The following LNX1 variants were observed in gnomAD, a reference collection of about 807,000 sequenced individuals.
The protein encoded by LNX1 is E3 ubiquitin-protein ligase LNX.
A neutral mutation model predicts 68.4 loss-of-function variants in LNX1; 54 were observed. That is an observed-to-expected ratio of 0.79 (90% confidence interval 0.63 to 0.99). The LOEUF (loss-of-function observed/expected upper bound fraction) is 0.99. LNX1 is among the 50% of genes least tolerant of loss of function. The pLI is 0.00. For missense variants in LNX1, 906 were observed against 926.4 expected, an observed-to-expected ratio of 0.98 and a Z score of 0.29; for synonymous variants, 336 against 350.0, an observed-to-expected ratio of 0.96 and a Z score of 0.45.
chr4:53,631,481 T>C (rs1254057011), intron 1 of LNX1, among the ~76,000 whole-genome samples: 1 of 152,190 alleles, frequency 6.6e-6, no homozygotes, highest in Non-Finnish European at 1.5e-5. Context: ...CATAGAGGCC[T>C]CTTTTCCTCT....
chr4:53,557,195 A>G (rs1053315084), intron 2 of LNX1, among the ~76,000 whole-genome samples: 3 of 152,130 alleles, frequency 2.0e-5, no homozygotes, highest in Non-Finnish European at 2.9e-5. Context: ...AATTGTCTTT[A>G]TTTTTCAGAG....
At chr4:53,544,585 G>T (rs150604437) in intron 2 of LNX1, among the ~76,000 whole-genome samples, 18 of 152,338 alleles carry the variant, frequency 1.2e-4, no homozygotes, top group African/African-American at 4.3e-4. Flanking sequence ...GAGGCCAAAA[G>T]GTGGGTACTT....
chr4:53,550,608 A>G (rs1445653142), intron 2 of LNX1, among the ~76,000 whole-genome samples: 1 of 152,246 alleles, frequency 6.6e-6, no homozygotes, highest in African/African-American at 2.4e-5. Flanking sequence ...TGGGGAGGAA[A>G]TGGATGCTAA....
chr4:53,547,435 T>C (rs1729188565), intron 2 of LNX1, among the ~76,000 whole-genome samples: 1 of 152,132 alleles, frequency 6.6e-6, no homozygotes, highest in Non-Finnish European at 1.5e-5. Context: ...CTGCCCAAGT[T>C]TGCCCAGCTA....
upstream of LNX1, among the ~76,000 whole-genome samples, chr4:53,621,174 A>C (rs1733855028): frequency 6.6e-6 from 1 of 152,158 alleles, no homozygotes; most frequent in African/African-American, 2.4e-5. Flanking sequence ...CATTTCACCA[A>C]GATCCCCAGG....
chr4:53,508,351 C>T (rs1726078456), intron 2 of LNX1, 124 bp from the exon 3 acceptor site: 3 of 1,188,932 alleles, frequency 2.5e-6, no homozygotes, highest in Non-Finnish European at 2.3e-6. Flanking sequence ...TTTGATTTGC[C>T]TGCCGCTATA....
Position 53,586,651 on chromosome 4 carries a change from C to T in LNX1, c.-87+4737G>A, listed in dbSNP as rs75418012. 5.4e-3 allele frequency among the ~76,000 whole-genome samples: 823 copies of T among 152,296 alleles called. 8 individuals carry two copies. The highest frequency in any genetic ancestry group is 7.6e-3 in the Non-Finnish European group (517 of 68,026). The stretch of plus-strand genomic sequence containing the variant: ...CTAGTCAGCCTACCATGCCAAGGAA[C>T]TTGGCTTTCTAGAGCAGAGAGAAGT... On this transcript the variant is annotated intron_variant, in intron 1 of 10. Coordinates refer to ENST00000263925, the MANE Select transcript of LNX1 (RefSeq NM_001126328.3).
chr4:53,646,286 T>C (rs773150744), intron 1 of LNX1, among the ~76,000 whole-genome samples: 1 of 152,170 alleles, frequency 6.6e-6, no homozygotes, highest in African/African-American at 2.4e-5. Flanking sequence ...AGTGGAGTAA[T>C]AGGGCATGGT....
intron 2 of LNX1, among the ~76,000 whole-genome samples, chr4:53,531,156 T>C (rs1727994532): frequency 6.6e-6 from 1 of 152,208 alleles, no homozygotes; most frequent in South Asian, 2.1e-4. Context: ...CATACTTTCT[T>C]GCTTCCAGTA....
At chr4:53,568,963 A>C (rs1285909142) in intron 2 of LNX1, among the ~76,000 whole-genome samples, 1 of 150,940 alleles carries the variant, frequency 6.6e-6, no homozygotes, top group Non-Finnish European at 1.5e-5. Context: ...AAGGGATGTG[A>C]AGGACCTCTT....
chr4:53,472,755 G>A (rs1723317949), intron 9 of LNX1, among the ~76,000 whole-genome samples: 1 of 148,828 alleles, frequency 6.7e-6, no homozygotes, highest in Non-Finnish European at 1.5e-5. Flanking sequence ...GAACGTGAAA[G>A]CCGCCAAAGG....
chr4:53,469,490 CA>C, intron 9 of LNX1, among the ~76,000 whole-genome samples: 1 of 152,254 alleles, frequency 6.6e-6, no homozygotes, highest in South Asian at 2.1e-4. Context: ...TAACTAAGAT[CA>C]GAGCAGAACT....
rs768997797 is a variant in LNX1, at chr4:53,478,624, A to G, written c.1604T>C (p.Ile535Thr). ...TCCGGGCTCAACACTGATGACATAG[A>G]TAGGCAAATCCCATTCTCTATGTGA... ...GASHREWDLP[I>T]YVISVEPGGV... is the part of the protein sequence containing the mutation. Residue 535 changes from isoleucine to threonine, a missense_variant, in exon 8 of 11, where the codon ATC (isoleucine) becomes ACC (threonine). By Grantham distance (89) the Ile-to-Thr change is moderately conservative. Coordinates refer to ENST00000263925, the MANE Select transcript of LNX1 (RefSeq NM_001126328.3). 4.3e-6 allele frequency: 7 copies of G among 1,613,960 alleles called. No homozygotes were observed. Among genetic ancestry groups the G allele is most frequent in the Non-Finnish European group, 5.9e-6 (7 of 1,179,990 alleles).
intron 2 of LNX1, among the ~76,000 whole-genome samples, chr4:53,569,148 A>T (rs1211653371): frequency 1.1e-4 from 17 of 152,068 alleles, no homozygotes; most frequent in African/African-American, 4.1e-4. Flanking sequence ...TCTTCACAGA[A>T]TTGGAAAAAA....
In LNX1 at chr4:53,467,102, C is replaced by T. The variant is rs201132714; in HGVS notation, c.1893-5509G>A. On this transcript the variant is annotated intron_variant, in intron 9 of 10. Transcript: ENST00000263925. ...ACTGGGAGGCACCCCCCAGTAGGGGCGGACTGACACCTCACATGGCTGGGT... is the reference window on the plus strand; with the variant it reads ...ACTGGGAGGCACCCCCCAGTAGGGGTGGACTGACACCTCACATGGCTGGGT... 1.6e-4 allele frequency among the ~76,000 whole-genome samples: 24 copies of T among 152,232 alleles called. No homozygotes were observed. The East Asian group carries it at 3.5e-3, about 22-fold the overall frequency.
chr4:53,589,284 C>T (rs1732362540), intron 1 of LNX1, among the ~76,000 whole-genome samples: 1 of 152,212 alleles, frequency 6.6e-6, no homozygotes, highest in African/African-American at 2.4e-5. Context: ...GCCTGTGAGG[C>T]TAGCGGAGAC....
intron 2 of LNX1, among the ~76,000 whole-genome samples, chr4:53,611,308 A>C (rs1329903342): frequency 6.6e-6 from 1 of 152,200 alleles, no homozygotes; most frequent in Non-Finnish European, 1.5e-5. Flanking sequence ...AGTTATACTA[A>C]AATATGCAAA....
At chr4:53,558,009 G>A (rs577821606) in intron 2 of LNX1, 7 of 1,610,584 alleles carry the variant, frequency 4.3e-6, no homozygotes, top group African/African-American at 2.7e-5. Context: ...CCTTCTGTCA[G>A]CTACAAGGGC....
chr4:53,512,130 T>C (rs943783160), intron 2 of LNX1, among the ~76,000 whole-genome samples: 3 of 152,304 alleles, frequency 2.0e-5, no homozygotes, highest in Admixed American at 6.5e-5. Flanking sequence ...AGGAAGGCCA[T>C]TGGGGACCAT....
Sources: allele counts gnomAD v4.1 joint callset (sites outside exome capture counted in the v4.1 genomes callset), GRCh38; gene constraint gnomAD v4.1.1; transcripts MANE v1.5; gene names NCBI Gene and HGNC (gene_info 2026-07-23, HGNC 2026-07-21).